TRPA1: variants seen among roughly 807,000 people sequenced by gnomAD.
TRPA1 encodes the protein ankyrin-like with transmembrane domains 1.
A neutral mutation model predicts 131.3 loss-of-function variants in TRPA1; 129 were observed. That is an observed-to-expected ratio of 0.98 (90% confidence interval 0.85 to 1.14). The LOEUF (loss-of-function observed/expected upper bound fraction) is 1.14. Among genes scored for constraint, TRPA1 ranks in the 50% most tolerant of loss-of-function variants. The probability of loss-of-function intolerance (pLI) is 0.00; values close to 1 mark genes in which losing one functional copy is unlikely to be tolerated. For synonymous variants in TRPA1, 441 were observed against 451.7 expected, an observed-to-expected ratio of 0.98 and a Z score of 0.30; for missense variants, 1,304 against 1,354.2, an observed-to-expected ratio of 0.96 and a Z score of 0.58.
At chr8:72,083,796 G>A in the TRPA1 span, among the ~76,000 whole-genome samples, 2 of 151,900 alleles carry the variant, frequency 1.3e-5, no homozygotes, top group African/African-American at 2.4e-5. Context: ...TAACTTTCTC[G>A]GGCTTAAACT....
chr8:72,044,422 C>T (rs1054073851), intron 17 of TRPA1, among the ~76,000 whole-genome samples: 3 of 151,978 alleles, frequency 2.0e-5, no homozygotes, highest in African/African-American at 4.8e-5. Context: ...TTTCAATGTG[C>T]TTTCATTAAA....
intron 26 of TRPA1, 144 bp from the exon 27 acceptor site, chr8:72,023,260 G>A: frequency 6.6e-6 from 5 of 754,620 alleles, no homozygotes; most frequent in South Asian, 6.4e-5. Flanking sequence ...AATCCTTCCA[G>A]GAAACATGTA....
chr8:72,086,070 T>A, the TRPA1 span, among the ~76,000 whole-genome samples: 2 of 152,002 alleles, frequency 1.3e-5, no homozygotes, highest in African/African-American at 2.4e-5. Context: ...TCGGCTAATT[T>A]TTTTGTATTT....
intron 20 of TRPA1, among the ~76,000 whole-genome samples, chr8:72,036,833 A>G (rs1430987465): frequency 6.6e-6 from 1 of 152,228 alleles, no homozygotes; most frequent in Non-Finnish European, 1.5e-5. Flanking sequence ...AGCTCTCTTT[A>G]TGAACTAAAG....
At chr8:72,044,025 A>G (rs1323296868) in intron 17 of TRPA1, among the ~76,000 whole-genome samples, 1 of 151,970 alleles carries the variant, frequency 6.6e-6, no homozygotes, top group South Asian at 2.1e-4. Context: ...GACACCAACA[A>G]TGGAATATTT....
chr8:72,070,684 T>C lies in TRPA1; in HGVS notation c.268+1027A>G, dbSNP rs546286882. On this transcript the variant is annotated intron_variant, in intron 2 of 26. Transcript: ENST00000262209. Reference sequence around the variant, plus strand: ...CTTCATCTTTTTCTGGCTTTTCCTCTGCCATCTGTCTCTTGATGTTGGTAC... The same window carrying C: ...CTTCATCTTTTTCTGGCTTTTCCTCCGCCATCTGTCTCTTGATGTTGGTAC... Among the ~76,000 whole-genome samples the C allele has an allele frequency of 5.8e-4, 88 of 152,332 alleles. 1 individual carries two copies. Among genetic ancestry groups the C allele is most frequent in the Middle Eastern group, 3.4e-3 (1 of 294 alleles).
At chr8:72,046,368 A>G in intron 17 of TRPA1, 145 bp downstream of exon 17, 1 of 486,538 alleles carries the variant, frequency 2.1e-6, no homozygotes, top group Non-Finnish European at 3.6e-6. Flanking sequence ...GAAACTATTT[A>G]GATAATGAGA....
At chr8:72,082,454 GTCT>G in the TRPA1 span, among the ~76,000 whole-genome samples, 2 of 151,976 alleles carry the variant, frequency 1.3e-5, no homozygotes, top group African/African-American at 4.8e-5. Flanking sequence ...ATAGCTAGTG[GTCT>G]TCATTTATTC....
Position 72,061,599 on chromosome 8 carries a change from T to A in TRPA1, c.944+26A>T, listed in dbSNP as rs1805808454. On this transcript the variant is annotated intron_variant, in intron 7 of 26. Coordinates refer to ENST00000262209, the MANE Select transcript of TRPA1 (RefSeq NM_007332.3). ...CACTCATGAAGATGAAAAATCTGTA[T>A]ACAGAATGATAGGTAGGAAACTTGC... The A allele has an allele frequency of 5.0e-6, 8 of 1,613,628 alleles. No individual in the cohort carries two copies. The East Asian group carries it at 1.8e-4, about 36-fold the overall frequency.
In TRPA1 at chr8:72,046,624, T is replaced by C; in HGVS notation, c.1966-16A>G. The C allele has an allele frequency of 1.4e-6, 2 of 1,417,282 alleles. No homozygotes were observed. The highest frequency in any genetic ancestry group is 1.7e-5 in the Admixed American group (1 of 57,144). The allele number at this position is 1,417,282 out of a possible 1,614,324, so 87.8% of individuals were successfully genotyped here. On this transcript the variant is annotated splice_polypyrimidine_tract_variant and intron_variant, in intron 16 of 26. Coordinates refer to ENST00000262209, the MANE Select transcript of TRPA1 (RefSeq NM_007332.3). ...TATACTCGATCTGTAGAAGACAGAA[T>C]TTTTTTTAAAAAAATGTACAGTTAG...
intron 6 of TRPA1, among the ~76,000 whole-genome samples, chr8:72,062,031 C>T (rs181332206): frequency 4.1e-4 from 62 of 152,282 alleles, no homozygotes; most frequent in African/African-American, 1.4e-3. Flanking sequence ...TGTCTGGATG[C>T]CATTCTTTTC....
In TRPA1 at chr8:72,036,683, A is replaced by G. The variant is rs142695799; in HGVS notation, c.2386-226T>C. Among the ~76,000 whole-genome samples the G allele has an allele frequency of 5.9e-3, 891 of 152,254 alleles. 10 individuals are homozygous for G. Among genetic ancestry groups the G allele is most frequent in the African/African-American group, 0.019 (772 of 41,532 alleles). ...CCCTCTGTTAACCTGGTGTTATGGG[A>G]ATCCGACGCCTAAGGAAATCCTACA... On this transcript the variant is annotated intron_variant, in intron 20 of 26. Coordinates refer to ENST00000262209, the MANE Select transcript of TRPA1 (RefSeq NM_007332.3).
In TRPA1 at chr8:72,026,044, C is replaced by G. The variant is rs1160452187; in HGVS notation, c.2967G>C (p.Lys989Asn). 1 of 1,613,964 alleles carries G rather than the reference C, an allele frequency of 6.2e-7. No individual in the cohort carries two copies. The highest frequency in any genetic ancestry group is 8.5e-7 in the Non-Finnish European group (1 of 1,179,906). The change falls in exon 25 of 27, where the codon AAG (lysine) becomes AAC (asparagine). Residue 989 changes from lysine (K) to asparagine (N), a missense_variant. Transcript: ENST00000262209. ...QVELHTSLEK[K>N]LPLWFLRKVD... ...CTTTGCGTAGAAACCAAAGTGGCAG[C>G]TTCTTCTCTAAGCTGGTATGAAGTT...
chr8:72,023,497 C>T (rs1811470812), intron 26 of TRPA1: 1 of 416,474 alleles, frequency 2.4e-6, no homozygotes, highest in East Asian at 4.8e-5. Context: ...CTCCAGGGAT[C>T]TTCAGAAGCT....
chr8:72,074,744 C>T (rs1302862719), intron 1 of TRPA1, among the ~76,000 whole-genome samples: 1 of 152,160 alleles, frequency 6.6e-6, no homozygotes, highest in Non-Finnish European at 1.5e-5. Context: ...TCCCCCACAG[C>T]GTTTCCTGAA....
In TRPA1 at chr8:72,056,988, C is replaced by A; in HGVS notation, c.1123G>T (p.Gly375Ter). ...GAQVDIKDNFGRNFLHLTVQQ... is the reference protein window; with the variant it reads ...GAQVDIKDNF ...ACAGTTAAATGCAGAAAATTACGTC[C>A]AAAATTATCTTTTATGTCTACTTGG... The change falls in exon 10 of 27, where the codon GGA becomes TGA. Residue 375 changes from glycine to a stop codon, truncating the protein, a stop_gained. Coordinates refer to ENST00000262209, the MANE Select transcript of TRPA1 (RefSeq NM_007332.3). LOFTEE classifies it high-confidence loss of function. 6.2e-7 allele frequency: 1 copy of A among 1,608,126 alleles called. No homozygotes were observed. Among genetic ancestry groups the A allele is most frequent in the Non-Finnish European group, 8.5e-7 (1 of 1,177,216 alleles).
chr8:72,055,893 T>C (rs761900692), intron 10 of TRPA1, 38 bp from the exon 11 acceptor site: 6 of 1,600,376 alleles, frequency 3.7e-6, no homozygotes, highest in Non-Finnish European at 5.1e-6. Context: ...ATAACTCTGC[T>C]ATTATGCTAA....
In TRPA1 at chr8:72,063,571, G is replaced by C; in HGVS notation, c.553C>G (p.Leu185Val). The change falls in exon 5 of 27, where the codon CTT (leucine) becomes GTT (valine). Residue 185 changes from leucine (L) to valine (V), a missense_variant and splice_region_variant. Coordinates refer to ENST00000262209, the MANE Select transcript of TRPA1 (RefSeq NM_007332.3). ...TNNSEALQIL[L>V]KKGAKPCKSN... is the part of the protein sequence containing the mutation. The stretch of plus-strand genomic sequence containing the variant: ...TTACATGGCTTAGCTCCTTTTTTAA[G>C]CTGGAAGAAAAGACAAAATGAAAAA... 6.2e-7 allele frequency: 1 copy of C among 1,607,338 alleles called. No individual in the cohort carries two copies. Among genetic ancestry groups the C allele is most frequent in the Non-Finnish European group, 8.5e-7 (1 of 1,174,396 alleles).
At chr8:72,069,382 T>C (rs1441535776) in intron 2 of TRPA1, among the ~76,000 whole-genome samples, 184 bp from the exon 3 acceptor site, 2 of 152,200 alleles carry the variant, frequency 1.3e-5, no homozygotes, top group African/African-American at 2.4e-5. Flanking sequence ...TGGGAATATA[T>C]AGAAGCATGA....
Sources: gnomAD v4.1 joint callset for allele counts (sites outside exome capture counted in the v4.1 genomes callset) on GRCh38, gnomAD v4.1.1 for gene constraint, MANE v1.5 for transcripts, NCBI Gene and HGNC (gene_info 2026-07-23, HGNC 2026-07-21) for gene names.